The following ATG2A variants were observed in gnomAD, a reference collection of about 807,000 sequenced individuals.
ATG2A encodes the protein autophagy-related protein 2 homolog A.
Under a neutral mutation model 214.2 loss-of-function variants are expected in ATG2A, and 103 were observed. The ratio of observed to expected loss-of-function variants is 0.48; its 90% CI spans 0.41 to 0.57. ATG2A has a LOEUF of 0.57. Among genes scored for constraint, ATG2A ranks in the 20% least tolerant of loss-of-function variants. ATG2A has a pLI of 0.00. For missense variants in ATG2A, 2,312 were observed against 2,613.2 expected (o/e 0.88, Z 2.51); for synonymous variants, 1,160 against 1,142.1 (o/e 1.02, Z -0.32).
chr11:64,917,087 A>T lies in ATG2A; in HGVS notation c.49T>A (p.Cys17Ser). 6.2e-7 allele frequency: 1 copy of T among 1,613,450 alleles called. No individual in the cohort carries two copies. The highest frequency in any genetic ancestry group is 8.5e-7 in the Non-Finnish European group (1 of 1,179,958). ...PWSNCVKERV[C>S]RYLLHHYLGH... is the part of the protein sequence containing the mutation. ...AAGTAGTGGTGCAGCAAGTAGCGGC[A>T]GACCCGCTCTTTCACACAGTTTGAC... The change falls in exon 1 of 41, where the codon TGC becomes AGC. Residue 17 changes from cysteine to serine, a missense_variant. Coordinates refer to ENST00000377264, the MANE Select transcript of ATG2A (RefSeq NM_015104.3).
Position 64,912,523 on chromosome 11 carries a change from C to G in ATG2A, c.826-100G>C, listed in dbSNP as rs2136635948. On this transcript the variant is annotated intron_variant, in intron 6 of 40. Coordinates refer to ENST00000377264, the MANE Select transcript of ATG2A (RefSeq NM_015104.3). Reference sequence around the variant, plus strand: ...TCGCCCTGGGAAAGCAGGATGCTGGCTACCAAACTAAACTCTGTTACCAAC... The same window carrying G: ...TCGCCCTGGGAAAGCAGGATGCTGGGTACCAAACTAAACTCTGTTACCAAC... 3.0e-6 allele frequency: 3 copies of G among 989,816 alleles called. No homozygotes were observed. In the African/African-American group the frequency reaches 4.9e-5, roughly 16 times the overall value. 61.3% of individuals were successfully genotyped at this position (989,816 alleles called of 1,614,324 possible).
chr11:64,911,702 G>T, intron 9 of ATG2A, 140 bp downstream of exon 9: 3 of 1,223,398 alleles, frequency 2.5e-6, no homozygotes, highest in Non-Finnish European at 3.4e-6. Flanking sequence ...CACCTTGTTT[G>T]GTCCCCAGGG....
chr11:64,911,371 G>A, intron 9 of ATG2A, 96 bp from the exon 10 acceptor site: 1 of 1,261,474 alleles, frequency 7.9e-7, no homozygotes, highest in Non-Finnish European at 1.1e-6. Context: ...TGGGAGGCCA[G>A]GTCTGCCCCA....
intron 31 of ATG2A, among the ~76,000 whole-genome samples, 167 bp downstream of exon 31, chr11:64,900,327 G>A (rs980838181): frequency 1.3e-5 from 2 of 152,068 alleles, no homozygotes; most frequent in Non-Finnish European, 2.9e-5. Context: ...TCCCCTGAGC[G>A]CTCTTCACCA....
chr11:64,912,660 C>G (rs1944820990), intron 6 of ATG2A: 1 of 507,234 alleles, frequency 2.0e-6, no homozygotes, highest in South Asian at 2.5e-5. Flanking sequence ...GTGGTGCAAT[C>G]TTGGCTCACT....
chr11:64,913,091 A>G lies in ATG2A; in HGVS notation c.772T>C (p.Tyr258His). Residue 258 changes from tyrosine (Y) to histidine (H), a missense_variant, in exon 6 of 41, where the codon TAC (tyrosine) becomes CAC (histidine). By Grantham distance (83) the Tyr-to-His change is moderately conservative. Transcript: ENST00000377264. This position sits in a 1 kb window ranked among gnomAD's most constrained non-coding sequence, Gnocchi z 4.3. ...TTCAACTTCACCATCAGCTCCATGTACCCTGAGCAGCTGCCGATCTGCAAG... is the reference window on the plus strand; with the variant it reads ...TTCAACTTCACCATCAGCTCCATGTGCCCTGAGCAGCTGCCGATCTGCAAG... ...PPLQIGSCSG[Y>H]MELMVKLKQN... 6.3e-7 allele frequency: 1 copy of G among 1,575,732 alleles called. No homozygotes were observed.
Position 64,902,665 on chromosome 11 carries a change from C to T in ATG2A, c.3628G>A (p.Glu1210Lys), listed in dbSNP as rs200061014. ...ACCACATTGTTGGAGCAGCGCAGCT[C>T]GAATAGTGGCTGGCTCTGCAGGGGC... The part of the protein sequence containing the change: ...TEGKLSQPLF[E>K]LRCSNNVVHV... Residue 1210 changes from glutamate (E) to lysine (K), a missense_variant, in exon 27 of 41, where the codon GAG becomes AAG. Coordinates refer to ENST00000377264, the MANE Select transcript of ATG2A (RefSeq NM_015104.3). 11 of 1,609,930 alleles carry T rather than the reference C, an allele frequency of 6.8e-6. No homozygotes were observed. The highest frequency in any genetic ancestry group is 1.1e-5 in the South Asian group (1 of 90,890).
rs1004421288 is a variant in ATG2A, at chr11:64,896,911, G to A, written c.5151-42C>T. 1.9e-6 allele frequency: 3 copies of A among 1,608,536 alleles called. No individual in the cohort carries two copies. The South Asian group carries it at 3.3e-5, about 18-fold the overall frequency. On this transcript the variant is annotated intron_variant, in intron 37 of 40. Coordinates refer to ENST00000377264, the MANE Select transcript of ATG2A (RefSeq NM_015104.3). ...GTGAGGAGGCAGAAGGTGAGGCAGA[G>A]CCACACATGGAGGGATTGTGGGGTC... is the stretch of plus-strand genomic sequence containing the variant.
In ATG2A at chr11:64,914,444, G is replaced by A. The variant is rs368301169; in HGVS notation, c.228C>T (p.Phe76=). The change falls in exon 2 of 41, where the codon TTC becomes TTT. Residue 76 remains phenylalanine (F), a synonymous_variant. Coordinates refer to ENST00000377264, the MANE Select transcript of ATG2A (RefSeq NM_015104.3). ...MESPLELVEG[F]VGSIEVAVPW... is the part of the protein sequence containing the mutation. Reference sequence around the variant, plus strand: ...GCACGGCCACCTCGATGGAGCCCACGAAGCCTTCCACCAGCTCCAGCGGTG... The same window carrying A: ...GCACGGCCACCTCGATGGAGCCCACAAAGCCTTCCACCAGCTCCAGCGGTG... 16 of 1,612,868 alleles carry A rather than the reference G, an allele frequency of 9.9e-6. No homozygotes were observed. Among genetic ancestry groups the A allele is most frequent in the Non-Finnish European group, 1.4e-5 (16 of 1,179,776 alleles).
Position 64,912,099 on chromosome 11 carries a change from T to A in ATG2A, c.1073A>T (p.Asn358Ile), listed in dbSNP as rs1225796000. Reference sequence around the variant, plus strand: ...CCCACACCCACCAGTGTTATCCAGGTTGAGAAGGGGGTTGGTAAGGGGGTC... The same window carrying A: ...CCCACACCCACCAGTGTTATCCAGGATGAGAAGGGGGTTGGTAAGGGGGTC... Reference protein sequence around the residue: ...SPDPLTNPLLNLDNTDLFFSM... With the variant: ...SPDPLTNPLLILDNTDLFFSM... The change falls in exon 8 of 41, where the codon AAC (asparagine) becomes ATC (isoleucine). Residue 358 changes from asparagine to isoleucine, a missense_variant. Asn to Ile is a moderately radical substitution (Grantham distance 149). Coordinates refer to ENST00000377264, the MANE Select transcript of ATG2A (RefSeq NM_015104.3). 1 of 1,613,370 alleles carries A rather than the reference T, an allele frequency of 6.2e-7. No individual in the cohort carries two copies. The highest frequency in any genetic ancestry group is 1.7e-5 in the Admixed American group (1 of 59,976).
At chr11:64,912,286 C>CCCG in intron 7 of ATG2A, 37 bp from the exon 8 acceptor site, 5 of 1,589,026 alleles carry the variant, frequency 3.1e-6, no homozygotes, top group African/African-American at 1.3e-5. Context: ...GCTGGCTGGC[C>CCCG]CTCCCAGCCA....
In ATG2A at chr11:64,916,998, G is replaced by C. The variant is rs1489391562; in HGVS notation, c.138C>G (p.Ser46Arg). 2 of 1,613,612 alleles carry C rather than the reference G, an allele frequency of 1.2e-6. No homozygotes were observed. The highest frequency in any genetic ancestry group is 3.3e-5 in the Admixed American group (2 of 60,004). Residue 46 changes from serine (S) to arginine (R), a missense_variant, in exon 1 of 41, where the codon AGC (serine) becomes AGG (arginine). Coordinates refer to ENST00000377264, the MANE Select transcript of ATG2A (RefSeq NM_015104.3). ...CCAGGTGGATGTCTCGCAGGGCAAC[G>C]CTGCCCTTGTACAGATCGAGGCTGA... is the stretch of plus-strand genomic sequence containing the variant. ...DQLSLDLYKG[S>R]VALRDIHLEI...
In ATG2A at chr11:64,905,799, G is replaced by GTGT; in HGVS notation, c.3313_3314insACA (p.Pro1105delinsHisThr). On this transcript the variant is annotated protein_altering_variant, in exon 23 of 41. Coordinates refer to ENST00000377264, the MANE Select transcript of ATG2A (RefSeq NM_015104.3). ...GTGCAGGATGGTGATGACCGTCGGG[G>GTGT]GCAGGTAGCCCAGCACAGGGTCATC... The GTGT allele has an allele frequency of 6.2e-7, 1 of 1,613,768 alleles. No homozygotes were observed. Among genetic ancestry groups the GTGT allele is most frequent in the Non-Finnish European group, 8.5e-7 (1 of 1,179,996 alleles).
In ATG2A at chr11:64,913,950, T is replaced by C; in HGVS notation, c.488-27A>G. On this transcript the variant is annotated intron_variant, in intron 3 of 40. Transcript: ENST00000377264. The surrounding 1 kb of genome is among the most constrained non-coding windows in gnomAD (Gnocchi z 4.3). ...TGAGGAGTTGGGGAGGGGTCTCAGG[T>C]CAGGTAGAGCAGCAAAGGGGAGGCA... 1 of 1,611,056 alleles carries C rather than the reference T, an allele frequency of 6.2e-7. No individual in the cohort carries two copies.
chr11:64,903,250 G>A lies in ATG2A; in HGVS notation c.3612+38C>T, dbSNP rs150900683. ...GAAGACTCCCTTGGCCCCTGCACCT[G>A]CTGTGGCTCCAGGAGCCAGAGTGAC... is the stretch of plus-strand genomic sequence containing the variant. On this transcript the variant is annotated intron_variant, in intron 26 of 40. Coordinates refer to ENST00000377264, the MANE Select transcript of ATG2A (RefSeq NM_015104.3). This position sits in a 1 kb window ranked among gnomAD's most constrained non-coding sequence, Gnocchi z 4.2. 2.3e-3 allele frequency: 3,688 copies of A among 1,592,682 alleles called. 65 individuals are homozygous for A. In the African/African-American group the frequency reaches 0.04, roughly 17 times the overall value.
intron 21 of ATG2A, 67 bp from the exon 22 acceptor site, chr11:64,906,260 G>A (rs1199641167): frequency 3.4e-5 from 54 of 1,605,346 alleles, no homozygotes; most frequent in Non-Finnish European, 4.2e-5. Flanking sequence ...GCCTCACCGC[G>A]CACTGGGGTC....
rs145718529 is a variant in ATG2A, at chr11:64,916,558, C to T, written c.171+407G>A. Among the ~76,000 whole-genome samples the T allele has an allele frequency of 5.6e-4, 85 of 152,256 alleles. No homozygotes were observed. The East Asian group carries it at 0.014, about 26-fold the overall frequency. On this transcript the variant is annotated intron_variant, in intron 1 of 40. Coordinates refer to ENST00000377264, the MANE Select transcript of ATG2A (RefSeq NM_015104.3). ...GGTGTCCTCGCCAGGGCTCCGGACC[C>T]CTACCAGCTTCCCCCACCAGCTGCG... is the stretch of plus-strand genomic sequence containing the variant.
At position 64,913,919 on chromosome 11, in the gene ATG2A, A is replaced by G; in HGVS notation, c.492T>C (p.Leu164=). The change falls in exon 4 of 41, where the codon CTT becomes CTC. Residue 164 remains leucine (L), a synonymous_variant. Transcript: ENST00000377264. This position sits in a 1 kb window ranked among gnomAD's most constrained non-coding sequence, Gnocchi z 4.3. ...EMFAQTIETV[L]RRIKVTFLDT... is the part of the protein sequence containing the mutation. ...CCAGGAAGGTCACTTTGATCCTCCG[A>G]AGCACTGAGGAGTTGGGGAGGGGTC... is the stretch of plus-strand genomic sequence containing the variant. The G allele has an allele frequency of 1.2e-6, 2 of 1,613,804 alleles. No individual in the cohort carries two copies. Among genetic ancestry groups the G allele is most frequent in the Non-Finnish European group, 1.7e-6 (2 of 1,179,784 alleles).
chr11:64,898,511 G>T lies in ATG2A; in HGVS notation c.4671+125C>A. ...GCCCCTAGCTCTGCCCTTCTCCCAG[G>T]CTCACAAACAACCTGGGTGTTTGTG... On this transcript the variant is annotated intron_variant, in intron 32 of 40. Transcript: ENST00000377264. The surrounding 1 kb of genome is among the most constrained non-coding windows in gnomAD (Gnocchi z 4.5). 7.3e-7 allele frequency: 1 copy of T among 1,360,546 alleles called. No homozygotes were observed. Among genetic ancestry groups the T allele is most frequent in the Non-Finnish European group, 1.0e-6 (1 of 982,808 alleles). 84.3% of individuals were successfully genotyped at this position (1,360,546 alleles called of 1,614,324 possible). A position where few individuals can be genotyped will look rare whatever the true frequency, so the allele number is the denominator to read the frequency against.
Sources: gnomAD v4.1 joint callset for allele counts (sites outside exome capture counted in the v4.1 genomes callset) on GRCh38, gnomAD v4.1.1 for gene constraint, Gnocchi (gnomAD v3.1) non-coding constraint, MANE v1.5 for transcripts, NCBI Gene and HGNC (gene_info 2026-07-23, HGNC 2026-07-21) for gene names.